TUBB8: variants seen among roughly 807,000 people sequenced by gnomAD.
TUBB8 encodes tubulin beta 8 class VIII.
A neutral mutation model predicts 33.7 loss-of-function variants in TUBB8; 25 were observed. The ratio of observed to expected loss-of-function variants is 0.74; its 90% CI spans 0.54 to 1.04. The LOEUF is 1.04. Among genes scored for constraint, TUBB8 ranks in the 50% least tolerant of loss-of-function variants. The pLI, the probability that TUBB8 is intolerant of heterozygous loss-of-function variation, is 0.00. For synonymous variants in TUBB8, 245 were observed against 240.1 expected (o/e 1.02, Z -0.19); for missense variants, 279 against 608.0 (o/e 0.46, Z 5.69).
At chr10:65,930 G>C (rs1834665153) in intron 1 of TUBB8, among the ~76,000 whole-genome samples, 1 of 152,228 alleles carries the variant, frequency 6.6e-6, no homozygotes, top group African/African-American at 2.4e-5. Context: ...TTCAATAGAT[G>C]CAGGAAGTAC....
At chr10:71,082 C>T (rs1208413338) in intron 1 of TUBB8, among the ~76,000 whole-genome samples, 2 of 152,058 alleles carry the variant, frequency 1.3e-5, no homozygotes, top group East Asian at 1.9e-4. Context: ...GAGGACAAGG[C>T]GGGCAGATCA....
chr10:51,745 C>G (rs1282869263), upstream of TUBB8, among the ~76,000 whole-genome samples: 2 of 152,202 alleles, frequency 1.3e-5, no homozygotes, highest in African/African-American at 4.8e-5. Flanking sequence ...TTATCCACTG[C>G]TGCCCTTTAC....
chr10:66,720 C>T, intron 1 of TUBB8, among the ~76,000 whole-genome samples: 1 of 152,200 alleles, frequency 6.6e-6, no homozygotes, highest in East Asian at 1.9e-4. Context: ...ACCTGTAATC[C>T]CAATGCTTTG....
intron 1 of TUBB8, among the ~76,000 whole-genome samples, chr10:62,735 G>A (rs549205192): frequency 6.6e-6 from 1 of 152,342 alleles, no homozygotes; most frequent in African/African-American, 2.4e-5. Flanking sequence ...TCTCTGTCAA[G>A]TTTAAAGGAC....
chr10:64,270 AAGCCCTAGCCCT>A, intron 1 of TUBB8, among the ~76,000 whole-genome samples: 1 of 139,996 alleles, frequency 7.1e-6, no homozygotes, highest in East Asian at 2.0e-4. Context: ...AGTTTATTCA[AAGCCCTAGCCCT>A]AGCCCTAACC....
At chr10:70,915 C>T (rs1378661015) in intron 1 of TUBB8, among the ~76,000 whole-genome samples, 3 of 152,018 alleles carry the variant, frequency 2.0e-5, no homozygotes, top group Non-Finnish European at 4.4e-5. Flanking sequence ...GGGTGATTTC[C>T]TAATAAAAAT....
At chr10:76,311 G>C (rs1196698179), upstream of TUBB8, among the ~76,000 whole-genome samples, 8 of 152,030 alleles carry the variant, frequency 5.3e-5, no homozygotes, top group Admixed American at 2.0e-4. Context: ...AAATCGCATC[G>C]GTAACCGGCA....
intron 1 of TUBB8, among the ~76,000 whole-genome samples, chr10:73,652 A>T (rs1249235740): frequency 2.0e-5 from 3 of 151,610 alleles, no homozygotes; most frequent in Non-Finnish European, 4.4e-5. Flanking sequence ...TCCAAAACAA[A>T]ACAAAACACA....
intron 1 of TUBB8, among the ~76,000 whole-genome samples, chr10:70,569 T>C (rs1162583886): frequency 6.6e-6 from 1 of 152,128 alleles, no homozygotes; most frequent in East Asian, 1.9e-4. Flanking sequence ...GAGAAACTTA[T>C]TGGCTCATGC....
chr10:50,562 A>G (rs1554739435), upstream of TUBB8, among the ~76,000 whole-genome samples: 1 of 152,004 alleles, frequency 6.6e-6, no homozygotes, highest in Admixed American at 6.5e-5. Flanking sequence ...AATTAATTAT[A>G]CTCACTTTTT....
At chr10:76,159 A>G (rs1834811328), upstream of TUBB8, among the ~76,000 whole-genome samples, 2 of 150,920 alleles carry the variant, frequency 1.3e-5, 1 homozygote, top group South Asian at 4.2e-4. Context: ...AAAAAAAAAA[A>G]ACACGAGCAC....
At chr10:75,738 A>C (rs557981579), upstream of TUBB8, among the ~76,000 whole-genome samples, 3 of 152,084 alleles carry the variant, frequency 2.0e-5, no homozygotes, top group East Asian at 5.8e-4. Context: ...TACTCTTAAA[A>C]AGGGTCTCGC....
chr10:56,383 G>C (rs1337893303), intron 1 of TUBB8, among the ~76,000 whole-genome samples: 11 of 151,994 alleles, frequency 7.2e-5, no homozygotes, highest in African/African-American at 2.7e-4. Context: ...GGATATATTA[G>C]GCCATTCTCA....
At chr10:75,521 G>A (rs553426306), upstream of TUBB8, among the ~76,000 whole-genome samples, 1 of 151,178 alleles carries the variant, frequency 6.6e-6, no homozygotes. Flanking sequence ...CAGATGTGGT[G>A]GTGGGCGCCT....
downstream of TUBB8, chr10:46,745 G>C (rs541934467): frequency 4.3e-4 from 170 of 390,926 alleles, 1 homozygote; most frequent in Middle Eastern, 4.6e-3. Flanking sequence ...CATGTCCACA[G>C]CCCATACCGA....
Position 47,122 on chromosome 10 carries a change from G to A in TUBB8, c.1270C>T (p.Gln424Ter), listed in dbSNP as rs1356357815. 22 of 1,522,984 alleles carry A rather than the reference G, an allele frequency of 1.4e-5. No individual in the cohort carries two copies. The highest frequency in any genetic ancestry group is 2.0e-5 in the Non-Finnish European group (22 of 1,102,668). The allele number at this position is 1,522,984 out of a possible 1,614,324, so 94.3% of individuals were successfully genotyped here. A position where few individuals can be genotyped will look rare whatever the true frequency, so the allele number is the denominator to read the frequency against. The change falls in exon 4 of 4, where the codon CAA becomes TAA. Residue 424 changes from glutamine to a stop codon, truncating the protein, a stop_gained. Transcript: ENST00000568584. LOFTEE classifies it high-confidence loss of function. ...TCCTCGGCCGTGGCATCCTGATATT[G>A]CTGATATTCAGACACCAGGTCGTTC... is the stretch of plus-strand genomic sequence containing the variant. ...NMNDLVSEYQ[Q>*]YQDATAEEEE...
At chr10:73,260 C>A (rs1252975572) in intron 1 of TUBB8, among the ~76,000 whole-genome samples, 3 of 152,202 alleles carry the variant, frequency 2.0e-5, no homozygotes, top group Admixed American at 6.5e-5. Flanking sequence ...TTGCCCAGGG[C>A]TTGAGTGCAG....
chr10:48,898 G>A lies in TUBB8; in HGVS notation c.72C>T (p.Ile24=), dbSNP rs1344102283. 2 of 1,547,802 alleles carry A rather than the reference G, an allele frequency of 1.3e-6. No individual in the cohort carries two copies. The highest frequency in any genetic ancestry group is 1.4e-5 in the African/African-American group (1 of 73,330). The change falls in exon 2 of 4, where the codon ATC becomes ATT. Residue 24 remains isoleucine, a synonymous_variant. Transcript: ENST00000568584. ...NQIGAKFWEV[I]SDEHAIDSAG... is the part of the protein sequence containing the mutation. ...CGGAGTCGATGGCATGTTCATCAGA[G>A]ATCACCTCCCAGAACTGCAAGAGAC...
At chr10:69,874 G>A (rs1318384195) in intron 1 of TUBB8, among the ~76,000 whole-genome samples, 6 of 152,178 alleles carry the variant, frequency 3.9e-5, no homozygotes, top group African/African-American at 7.2e-5. Flanking sequence ...CTGGGCAATC[G>A]GGCCAGACCC....
Sources: gnomAD v4.1 joint callset for allele counts (sites outside exome capture counted in the v4.1 genomes callset) on GRCh38, gnomAD v4.1.1 for gene constraint, MANE v1.5 for transcripts, NCBI Gene and HGNC (gene_info 2026-07-23, HGNC 2026-07-21) for gene names.